Variants in SUDS3 observed in about 807,000 individuals in gnomAD.
SUDS3 encodes the protein SIN3A corepressor complex component SDS3.
Under a neutral mutation model 53.5 loss-of-function variants are expected in SUDS3, and 23 were observed. The observed-to-expected ratio is 0.43, with a 90% CI of 0.31 to 0.61. SUDS3 has a LOEUF of 0.61. SUDS3 is among the 20% of genes least tolerant of loss of function. SUDS3 has a pLI of 0.10. For synonymous variants in SUDS3, 150 were observed against 148.5 expected, an observed-to-expected ratio of 1.01 and a Z score of -0.08; for missense variants, 291 against 405.9, an observed-to-expected ratio of 0.72 and a Z score of 2.43.
intron 11 of SUDS3, among the ~76,000 whole-genome samples, chr12:118,413,588 A>G (rs895771754): frequency 6.6e-6 from 1 of 152,196 alleles, no homozygotes. Context: ...GGGTCAGGTG[A>G]CTGGCAGCAG....
chr12:118,379,871 G>A (rs1400399007), intron 1 of SUDS3, among the ~76,000 whole-genome samples: 1 of 152,200 alleles, frequency 6.6e-6, no homozygotes, highest in East Asian at 1.9e-4. Context: ...CTTTTCTGAA[G>A]TACGGCTGTC....
chr12:118,377,911 A>C (rs2046016448), intron 1 of SUDS3, among the ~76,000 whole-genome samples: 1 of 152,184 alleles, frequency 6.6e-6, no homozygotes, highest in Non-Finnish European at 1.5e-5. Flanking sequence ...TCTTGACTGA[A>C]GGAGGGGAGA....
At chr12:118,384,831 C>CA (rs879854991) in intron 3 of SUDS3, among the ~76,000 whole-genome samples, 369 of 126,416 alleles carry the variant, frequency 2.9e-3, no homozygotes, top group East Asian at 0.019. Context: ...GACTCAGTCT[C>CA]AAAAAAAAAA....
At chr12:118,385,321 C>T (rs895081719) in intron 3 of SUDS3, among the ~76,000 whole-genome samples, 5 of 152,090 alleles carry the variant, frequency 3.3e-5, no homozygotes, top group Non-Finnish European at 7.4e-5. Context: ...ATTGGCCAGG[C>T]TGGTCTTGAA....
chr12:118,378,154 A>G (rs1262588761), intron 1 of SUDS3, among the ~76,000 whole-genome samples: 2 of 152,244 alleles, frequency 1.3e-5, no homozygotes, highest in African/African-American at 2.4e-5. Flanking sequence ...TTTTGTACAC[A>G]CCCCAGCCAT....
intron 10 of SUDS3, among the ~76,000 whole-genome samples, chr12:118,407,000 G>A (rs1036862159): frequency 2.0e-5 from 3 of 151,508 alleles, no homozygotes; most frequent in African/African-American, 7.3e-5. Context: ...TGGCTCAAGC[G>A]ATCTTCCCAC....
rs772558471 is a variant in SUDS3 at position 118,389,916 on chromosome 12, A to G, written c.341-11A>G. On this transcript the variant is annotated splice_polypyrimidine_tract_variant and intron_variant, in intron 4 of 11. Coordinates refer to ENST00000543473, the MANE Select transcript of SUDS3 (RefSeq NM_022491.3). ...CCTAGCAAATCTAATTGCACTTTTT[A>G]TCTCTTGCAGAACTCTTCCTCCAGC... The G allele has an allele frequency of 2.5e-6, 4 of 1,614,010 alleles. No homozygotes were observed. In the Admixed American group the frequency reaches 6.7e-5, roughly 27 times the overall value.
chr12:118,395,521 C>T (rs538192879), intron 6 of SUDS3, among the ~76,000 whole-genome samples: 157 of 151,916 alleles, frequency 1.0e-3, no homozygotes, highest in African/African-American at 3.6e-3. Flanking sequence ...CCACCACGCC[C>T]GGCCAGAATC....
At chr12:118,391,305 G>A (rs1241135842) in intron 6 of SUDS3, 23 bp downstream of exon 6, 7 of 1,589,388 alleles carry the variant, frequency 4.4e-6, no homozygotes, top group African/African-American at 1.4e-5. Flanking sequence ...TATGGGGTGG[G>A]ATCTTGGGGG....
intron 2 of SUDS3, among the ~76,000 whole-genome samples, chr12:118,383,311 C>T (rs894138955): frequency 1.3e-5 from 2 of 152,182 alleles, no homozygotes; most frequent in Non-Finnish European, 2.9e-5. Context: ...AAAATACTTG[C>T]TGAAATGTGA....
intron 10 of SUDS3, 99 bp downstream of exon 10, chr12:118,403,616 A>G: frequency 1.1e-6 from 1 of 901,042 alleles, no homozygotes; most frequent in Non-Finnish European, 1.8e-6. Context: ...GGCTGCTGCT[A>G]AACTTACATA....
At chr12:118,384,866 TG>T (rs1179940331) in intron 3 of SUDS3, among the ~76,000 whole-genome samples, 1 of 152,100 alleles carries the variant, frequency 6.6e-6, no homozygotes, top group East Asian at 1.9e-4. Flanking sequence ...TCTGGAGTTT[TG>T]TGAGGGATTG....
rs1020591102 is a variant in SUDS3 at position 118,382,815 on chromosome 12, C to G, written c.213-1197C>G. 3.2e-4 allele frequency among the ~76,000 whole-genome samples: 47 copies of G among 145,884 alleles called. 1 individual carries two copies. Among genetic ancestry groups the G allele is most frequent in the African/African-American group, 1.2e-3 (46 of 38,586 alleles). On this transcript the variant is annotated intron_variant, in intron 2 of 11. Coordinates refer to ENST00000543473, the MANE Select transcript of SUDS3 (RefSeq NM_022491.3). ...CACGAGTAGCTGGGATTACAGGCGC[C>G]CACCACCACGTCTGGCTAATTTTTT...
intron 10 of SUDS3, 53 bp from the exon 11 acceptor site, chr12:118,411,020 A>T: frequency 6.8e-7 from 1 of 1,466,024 alleles, no homozygotes; most frequent in Non-Finnish European, 9.4e-7. Context: ...TTTGGTTTTT[A>T]CTTCCTGTCT....
At chr12:118,410,580 TTTTA>T (rs376070753) in intron 10 of SUDS3, among the ~76,000 whole-genome samples, 1,361 of 133,586 alleles carry the variant, frequency 0.01, 18 homozygotes, top group Middle Eastern at 0.021. Context: ...TATTTATTTA[TTTTA>T]TTTATTTATT....
At position 118,415,012 on chromosome 12, in the gene SUDS3, A is replaced by G. The variant is rs1382459974; in HGVS notation, c.*579A>G. 2 of 152,230 alleles carry G rather than the reference A, an allele frequency of 1.3e-5. No homozygotes were observed. Among genetic ancestry groups the G allele is most frequent in the African/African-American group, 4.8e-5 (2 of 41,456 alleles). 9.4% of individuals were successfully genotyped at this position (152,230 alleles called of 1,614,324 possible). ...TGTGTAACATCTGTGCACACCATCCATTCCGCTCGCTGAGCGATGGAAAAG... is the reference window on the plus strand; with the variant it reads ...TGTGTAACATCTGTGCACACCATCCGTTCCGCTCGCTGAGCGATGGAAAAG... On this transcript the variant is annotated 3_prime_UTR_variant, in exon 12 of 12. Coordinates refer to ENST00000543473, the MANE Select transcript of SUDS3 (RefSeq NM_022491.3).
chr12:118,381,917 A>G (rs1174594991), intron 2 of SUDS3, among the ~76,000 whole-genome samples: 2 of 152,174 alleles, frequency 1.3e-5, no homozygotes. Flanking sequence ...ATCCACATTC[A>G]TTTCCCTTTA....
intron 6 of SUDS3, among the ~76,000 whole-genome samples, chr12:118,395,386 T>C (rs1400723620): frequency 1.3e-5 from 2 of 151,722 alleles, no homozygotes; most frequent in Non-Finnish European, 2.9e-5. Context: ...CCACCACGCC[T>C]AGCTAATGTT....
intron 1 of SUDS3, among the ~76,000 whole-genome samples, chr12:118,378,017 A>G (rs1015279725): frequency 3.3e-5 from 5 of 152,230 alleles, no homozygotes; most frequent in Non-Finnish European, 7.3e-5. Flanking sequence ...ATTTAATTCC[A>G]TCAGAAGACA....
Sources: gnomAD v4.1 joint callset for allele counts (sites outside exome capture counted in the v4.1 genomes callset) on GRCh38, gnomAD v4.1.1 for gene constraint, MANE v1.5 for transcripts, NCBI Gene and HGNC (gene_info 2026-07-23, HGNC 2026-07-21) for gene names.